Variants in ARMC3 observed in about 807,000 individuals in gnomAD.
ARMC3 encodes the protein armadillo repeat containing 3.
In ARMC3, 74 loss-of-function variants were observed where a neutral mutation model predicts 90.3. That is an observed-to-expected ratio of 0.82 (90% CI 0.68 to 0.99). The LOEUF (loss-of-function observed/expected upper bound fraction) is 0.99. ARMC3 is among the 50% of genes least tolerant of loss of function. The pLI is 0.00. For missense variants in ARMC3, 958 were observed against 1,042.8 expected (o/e 0.92, Z 1.12); for synonymous variants, 334 against 361.8 (o/e 0.92, Z 0.87).
chr10:23,005,378 G>A (rs189857811), intron 13 of ARMC3, among the ~76,000 whole-genome samples: 4 of 152,262 alleles, frequency 2.6e-5, no homozygotes, highest in East Asian at 1.9e-4. Context: ...AACATTTAAC[G>A]AGACAATTTC....
At chr10:23,022,867 C>G (rs779812531) in intron 16 of ARMC3, among the ~76,000 whole-genome samples, 34 of 152,176 alleles carry the variant, frequency 2.2e-4, no homozygotes, top group African/African-American at 3.4e-4. Context: ...ATGTGGCCAG[C>G]CTGGGAATCT....
chr10:22,962,727 T>C (rs1401557231), intron 7 of ARMC3, among the ~76,000 whole-genome samples: 3 of 152,186 alleles, frequency 2.0e-5, no homozygotes, highest in Non-Finnish European at 4.4e-5. Flanking sequence ...GATAGGAACA[T>C]ATTGAAGGAG....
intron 16 of ARMC3, chr10:23,014,302 A>G: frequency 7.0e-7 from 1 of 1,434,212 alleles, no homozygotes; most frequent in Non-Finnish European, 9.2e-7. Flanking sequence ...ATCACCTAGC[A>G]CACTTAGGGG....
At chr10:23,013,674 T>C (rs1370052329) in intron 16 of ARMC3, among the ~76,000 whole-genome samples, 1 of 152,222 alleles carries the variant, frequency 6.6e-6, no homozygotes, top group East Asian at 1.9e-4. Context: ...TACAGTGTTA[T>C]TAAATATAAT....
intron 2 of ARMC3, among the ~76,000 whole-genome samples, chr10:22,936,153 G>C (rs11013201): frequency 6.6e-6 from 1 of 151,902 alleles, no homozygotes; most frequent in Non-Finnish European, 1.5e-5. Flanking sequence ...AATTTATAAC[G>C]ATTAAAATTA....
intron 10 of ARMC3, among the ~76,000 whole-genome samples, chr10:22,991,747 G>A (rs1403776187): frequency 6.6e-6 from 1 of 152,190 alleles, no homozygotes; most frequent in Non-Finnish European, 1.5e-5. Context: ...CTCTGAAAAA[G>A]TGACATCTGA....
chr10:22,964,686 CT>C (rs1014684470), intron 7 of ARMC3, among the ~76,000 whole-genome samples: 2 of 151,728 alleles, frequency 1.3e-5, no homozygotes, highest in African/African-American at 4.8e-5. Flanking sequence ...GGTGATCCTC[CT>C]GCCTTGGCTT....
intron 8 of ARMC3, among the ~76,000 whole-genome samples, chr10:22,974,914 T>C (rs2131315627): frequency 1.8e-5 from 1 of 56,718 alleles, no homozygotes; most frequent in East Asian, 5.4e-4. Context: ...AGTGCTGGGA[T>C]TATAGGCATG....
At chr10:22,937,904 T>C (rs1834173928) in intron 2 of ARMC3, among the ~76,000 whole-genome samples, 1 of 152,186 alleles carries the variant, frequency 6.6e-6, no homozygotes, top group South Asian at 2.1e-4. Flanking sequence ...ATTTATTTGC[T>C]GGACAAATAT....
intron 8 of ARMC3, among the ~76,000 whole-genome samples, chr10:22,974,706 G>A (rs1588867637): frequency 6.6e-6 from 1 of 151,986 alleles, no homozygotes; most frequent in East Asian, 1.9e-4. Context: ...GCAGTGGAGT[G>A]ATCTCAGGTC....
intron 10 of ARMC3, among the ~76,000 whole-genome samples, chr10:22,996,850 T>C (rs1447678103): frequency 6.6e-6 from 1 of 152,180 alleles, no homozygotes; most frequent in Non-Finnish European, 1.5e-5. Context: ...AATAAGCAAA[T>C]TGAAGTGACA....
Position 23,037,486 on chromosome 10 carries a change from A to G in ARMC3, c.*7A>G. Reference sequence around the variant, plus strand: ...TCTTTACAGATTCATTTAAGCCATCAGACGAACACAAGAGAGGCTCAAACA... The same window carrying G: ...TCTTTACAGATTCATTTAAGCCATCGGACGAACACAAGAGAGGCTCAAACA... On this transcript the variant is annotated 3_prime_UTR_variant, in exon 19 of 19. Coordinates refer to ENST00000298032, the MANE Select transcript of ARMC3 (RefSeq NM_173081.5). The G allele has an allele frequency of 6.2e-7, 1 of 1,609,542 alleles. No homozygotes were observed. The highest frequency in any genetic ancestry group is 1.7e-4 in the Middle Eastern group (1 of 6,038).
In ARMC3 at chr10:22,983,144, T is replaced by G. The variant is rs79042853; in HGVS notation, c.1175+1444T>G. On this transcript the variant is annotated intron_variant, in intron 10 of 18. Coordinates refer to ENST00000298032, the MANE Select transcript of ARMC3 (RefSeq NM_173081.5). ...TCACATGGTGCAAAAAAAAATCTTATCAGAGACACTAAACCATTTCTCGCT... is the reference window on the plus strand; with the variant it reads ...TCACATGGTGCAAAAAAAAATCTTAGCAGAGACACTAAACCATTTCTCGCT... 7.4e-4 allele frequency among the ~76,000 whole-genome samples: 112 copies of G among 152,310 alleles called. 1 individual carries two copies. In the East Asian group the frequency reaches 0.019, roughly 25 times the overall value.
intron 18 of ARMC3, among the ~76,000 whole-genome samples, chr10:23,034,470 G>C (rs573278537): frequency 1.3e-5 from 2 of 152,228 alleles, no homozygotes; most frequent in African/African-American, 4.8e-5. Context: ...CTGATACCTG[G>C]AGAAATAATT....
intron 10 of ARMC3, among the ~76,000 whole-genome samples, chr10:22,990,634 C>T (rs1048023734): frequency 2.0e-5 from 3 of 152,172 alleles, no homozygotes; most frequent in African/African-American, 7.2e-5. Flanking sequence ...GATGAGGAAA[C>T]CAAGGCCCGG....
chr10:22,966,929 G>A (rs1835465065), intron 7 of ARMC3, among the ~76,000 whole-genome samples: 1 of 148,658 alleles, frequency 6.7e-6, no homozygotes, highest in East Asian at 2.1e-4. Context: ...AATTTGCCTA[G>A]AGATCACAAT....
At chr10:23,015,847 C>G (rs1278904180) in intron 16 of ARMC3, among the ~76,000 whole-genome samples, 2 of 152,202 alleles carry the variant, frequency 1.3e-5, no homozygotes, top group African/African-American at 4.8e-5. Flanking sequence ...TTCTTACCTT[C>G]TTTTCTACAA....
intron 6 of ARMC3, chr10:22,961,319 T>C (rs1441426655): frequency 1.3e-5 from 2 of 152,182 alleles, no homozygotes; most frequent in Non-Finnish European, 2.9e-5. Context: ...ACCACCCACT[T>C]CTTCACTCAC....
At chr10:22,938,152 A>G (rs1834182730) in intron 2 of ARMC3, among the ~76,000 whole-genome samples, 2 of 152,160 alleles carry the variant, frequency 1.3e-5, no homozygotes, top group South Asian at 4.1e-4. Context: ...CTCAACCAAA[A>G]CACACTTAAA....
Sources: gnomAD v4.1 joint callset for allele counts (sites outside exome capture counted in the v4.1 genomes callset) on GRCh38, gnomAD v4.1.1 for gene constraint, MANE v1.5 for transcripts, NCBI Gene and HGNC (gene_info 2026-07-23, HGNC 2026-07-21) for gene names.